Variants in GLIS3 observed in about 807,000 individuals in gnomAD.
GLIS3 encodes GLIS family zinc finger 3, also known as zinc finger protein GLIS3.
GLIS3 carries 53 observed loss-of-function variants against 78.6 expected under a neutral mutation model. The ratio of observed to expected loss-of-function variants is 0.67; its 90% CI spans 0.54 to 0.85. GLIS3 has a LOEUF of 0.85. Ranked by LOEUF, GLIS3 falls within the 40% of genes least tolerant of loss-of-function variation. GLIS3 has a pLI of 0.00. For synonymous variants in GLIS3, 684 were observed against 509.9 expected (o/e 1.34, Z -4.60); for missense variants, 1,703 against 1,231.1 (o/e 1.38, Z -5.74).
intron 2 of GLIS3, among the ~76,000 whole-genome samples, chr9:4,143,670 G>A (rs545956491): frequency 1.3e-5 from 2 of 152,308 alleles, no homozygotes; most frequent in African/African-American, 4.8e-5. Context: ...GCAATCTCCA[G>A]AACTTATTCG....
chr9:4,062,478 AG>A (rs142353466), intron 4 of GLIS3, among the ~76,000 whole-genome samples: 2,122 of 152,324 alleles, frequency 0.014, 56 homozygotes, highest in African/African-American at 0.048. Context: ...TAGGATTAAG[AG>A]GCTTGAGGGA....
At chr9:4,108,227 T>C (rs1039304228) in intron 4 of GLIS3, among the ~76,000 whole-genome samples, 5 of 152,332 alleles carry the variant, frequency 3.3e-5, no homozygotes, top group South Asian at 2.1e-4. Flanking sequence ...GGTTTAATAC[T>C]TTCTTTCTCG....
chr9:3,895,596 A>G (rs534591967), intron 7 of GLIS3, among the ~76,000 whole-genome samples: 3 of 152,338 alleles, frequency 2.0e-5, no homozygotes, highest in African/African-American at 7.2e-5. Flanking sequence ...ATCCTTTCCA[A>G]TCAAGCTCTG....
intron 4 of GLIS3, among the ~76,000 whole-genome samples, chr9:4,033,583 G>C (rs1440693230): frequency 6.6e-6 from 1 of 152,086 alleles, no homozygotes; most frequent in East Asian, 1.9e-4. Context: ...TTCCAAATAG[G>C]AGCATGGACT....
At chr9:4,258,729 T>C (rs1020056954) in intron 2 of GLIS3, among the ~76,000 whole-genome samples, 4 of 152,192 alleles carry the variant, frequency 2.6e-5, no homozygotes, top group East Asian at 3.8e-4. Context: ...TTCTCATTTA[T>C]TGATTTGTTT....
At chr9:4,182,935 C>T (rs962977454) in intron 2 of GLIS3, among the ~76,000 whole-genome samples, 1 of 152,202 alleles carries the variant, frequency 6.6e-6, no homozygotes, top group Non-Finnish European at 1.5e-5. Flanking sequence ...ATACATGGAA[C>T]TTGCCAAAGG....
chr9:4,218,967 G>A (rs776381900), intron 2 of GLIS3, among the ~76,000 whole-genome samples: 6 of 152,170 alleles, frequency 3.9e-5, no homozygotes, highest in African/African-American at 7.2e-5. Context: ...TAGAATGTGA[G>A]CCTCATGAAA....
the GLIS3 span, among the ~76,000 whole-genome samples, chr9:4,445,854 G>C: frequency 6.6e-6 from 1 of 152,174 alleles, no homozygotes; most frequent in Non-Finnish European, 1.5e-5. Flanking sequence ...CAACAGCATG[G>C]TTGAGACTGT....
At chr9:4,453,892 A>G in the GLIS3 span, among the ~76,000 whole-genome samples, 3 of 152,168 alleles carry the variant, frequency 2.0e-5, no homozygotes, top group East Asian at 3.8e-4. Flanking sequence ...GAAATACCTA[A>G]TGTAAATGAC....
the GLIS3 span, among the ~76,000 whole-genome samples, chr9:4,387,639 C>T: frequency 2.0e-5 from 3 of 152,134 alleles, no homozygotes; most frequent in Non-Finnish European, 2.9e-5. Context: ...ACCAAATCTC[C>T]TAAAATTAAA....
the GLIS3 span, among the ~76,000 whole-genome samples, chr9:4,447,539 T>C: frequency 6.6e-6 from 1 of 152,190 alleles, no homozygotes; most frequent in African/African-American, 2.4e-5. Flanking sequence ...ACTTGTTTTA[T>C]ACCTATTGTC....
At chr9:4,297,592 G>C (rs13300670) in intron 1 of GLIS3, among the ~76,000 whole-genome samples, 18 of 152,168 alleles carry the variant, frequency 1.2e-4, no homozygotes, top group African/African-American at 4.3e-4. Context: ...GGGTGCAAGA[G>C]CAACCCTCTT....
rs753899353 is a variant in GLIS3, at chr9:3,829,463, G to C, written c.2503C>G (p.Pro835Ala). The C allele has an allele frequency of 4.3e-6, 7 of 1,613,968 alleles. No individual in the cohort carries two copies. In the East Asian group the frequency reaches 8.9e-5, roughly 21 times the overall value. The stretch of plus-strand genomic sequence containing the variant: ...CTCTGGGAATCGGGGTAGTGTGGGG[G>C]ACAGAACTTCTGCAGCTGCCCATAA... ...GFYGQLQKFCPPHYPDSQRIV... is the reference protein window; with the variant it reads ...GFYGQLQKFCAPHYPDSQRIV... Residue 835 changes from proline (P) to alanine (A), a missense_variant, in exon 10 of 11, where the codon CCC (proline) becomes GCC (alanine). Physicochemically the swap from Pro to Ala is conservative, Grantham distance 27. Coordinates refer to ENST00000381971, the MANE Select transcript of GLIS3 (RefSeq NM_001042413.2).
At chr9:4,439,738 T>C in the GLIS3 span, among the ~76,000 whole-genome samples, 1 of 152,158 alleles carries the variant, frequency 6.6e-6, no homozygotes, top group Admixed American at 6.5e-5. Context: ...AGTGGTGTAA[T>C]TAGTTTTTCA....
chr9:3,939,120 C>T (rs973947126), intron 4 of GLIS3, among the ~76,000 whole-genome samples: 1 of 152,138 alleles, frequency 6.6e-6, no homozygotes, highest in African/African-American at 2.4e-5. Flanking sequence ...ATTTTGGGGC[C>T]AGCTCCCGGG....
chr9:4,239,646 G>C (rs1823108186), intron 2 of GLIS3, among the ~76,000 whole-genome samples: 1 of 152,176 alleles, frequency 6.6e-6, no homozygotes, highest in African/African-American at 2.4e-5. Context: ...GGCTATACTG[G>C]ATCTGAATAA....
chr9:4,406,866 T>A, the GLIS3 span, among the ~76,000 whole-genome samples: 1 of 152,224 alleles, frequency 6.6e-6, no homozygotes, highest in Non-Finnish European at 1.5e-5. Context: ...ATGTTTATAC[T>A]AGCCAAAGCA....
rs979384812 is a variant in GLIS3 at position 4,215,223 on chromosome 9, C to G, written c.388+70815G>C. ...AATTTACATGAAAGCCTTCCAACCT[C>G]CCCTCTGAAAGTCTCCAATTAAAAC... On this transcript the variant is annotated intron_variant, in intron 2 of 10. Coordinates refer to ENST00000381971, the MANE Select transcript of GLIS3 (RefSeq NM_001042413.2). 3.3e-5 allele frequency among the ~76,000 whole-genome samples: 5 copies of G among 152,342 alleles called. No homozygotes were observed. The South Asian group carries it at 1.0e-3, about 32-fold the overall frequency.
intron 2 of GLIS3, among the ~76,000 whole-genome samples, chr9:4,175,804 T>C (rs139184751): frequency 5.9e-5 from 9 of 152,330 alleles, no homozygotes; most frequent in African/African-American, 2.2e-4. Context: ...TGCACTGTAT[T>C]AGGCATATTA....
Sources: allele counts gnomAD v4.1 joint callset (sites outside exome capture counted in the v4.1 genomes callset), GRCh38; gene constraint gnomAD v4.1.1; transcripts MANE v1.5; gene names NCBI Gene and HGNC (gene_info 2026-07-23, HGNC 2026-07-21).